Variants in DNAH14 observed in about 807,000 individuals in gnomAD.
DNAH14 encodes dynein axonemal heavy chain 14, also known as axonemal beta dynein heavy chain 14.
A neutral mutation model predicts 520.9 loss-of-function variants in DNAH14; 478 were observed. The ratio of observed to expected loss-of-function variants is 0.92; its 90% confidence interval spans 0.85 to 0.99. DNAH14 has a LOEUF of 0.99. Among genes scored for constraint, DNAH14 ranks in the 50% least tolerant of loss-of-function variants. The pLI is 0.00. For missense variants in DNAH14, 4,831 were observed against 5,234.5 expected (o/e 0.92, Z 2.38); for synonymous variants, 1,581 against 1,757.2 (o/e 0.90, Z 2.51).
At chr1:225,292,115 T>G (rs2093906221) in intron 55 of DNAH14, among the ~76,000 whole-genome samples, 1 of 152,154 alleles carries the variant, frequency 6.6e-6, no homozygotes, top group Non-Finnish European at 1.5e-5. Context: ...TATAATTCCA[T>G]TTGTTTATAT....
Position 224,929,705 on chromosome 1 carries a change from G to T in DNAH14, c.-164G>T, listed in dbSNP as rs1269673858. ...GCGGTTACGGCCAGGAGGCGTCGGA[G>T]CCTGGCGTGGTAGGGCTGTGCTGCG... On this transcript the variant is annotated 5_prime_UTR_variant, in exon 1 of 86. Transcript: ENST00000682510. The T allele has an allele frequency of 1.0e-5, 7 of 702,310 alleles. No individual in the cohort carries two copies. Among genetic ancestry groups the T allele is most frequent in the African/African-American group, 3.5e-5 (2 of 57,266 alleles). 43.5% of individuals were successfully genotyped at this position (702,310 alleles called of 1,614,324 possible).
chr1:225,004,907 C>G (rs1017213355), intron 9 of DNAH14, among the ~76,000 whole-genome samples: 1 of 152,154 alleles, frequency 6.6e-6, no homozygotes, highest in Non-Finnish European at 1.5e-5. Flanking sequence ...TACGTGTACT[C>G]TGCTGGGATG....
At position 225,322,727 on chromosome 1, in the gene DNAH14, A is replaced by G; in HGVS notation, c.9399A>G (p.Gln3133=). 6.4e-7 allele frequency: 1 copy of G among 1,551,612 alleles called. No homozygotes were observed. The highest frequency in any genetic ancestry group is 8.7e-7 in the Non-Finnish European group (1 of 1,146,920). The change falls in exon 62 of 86, where the codon CAA becomes CAG. Residue 3133 remains glutamine, a synonymous_variant. Coordinates refer to ENST00000682510, the MANE Select transcript of DNAH14 (RefSeq NM_001367479.1). The part of the protein sequence containing the change: ...TVMNAVCILL[Q]KKPNWATAKL... ...TGAATGCAGTGTGTATTCTTCTGCA[A>G]AAGAAACCTAACTGGGCAACGGCAA...
At chr1:225,024,411 C>A in intron 11 of DNAH14, 1 of 256,534 alleles carries the variant, frequency 3.9e-6, no homozygotes, top group Non-Finnish European at 6.1e-6. Flanking sequence ...TCTTATTTTC[C>A]ACAACTGGAT....
At chr1:225,100,058 A>G (rs1434576165) in intron 22 of DNAH14, among the ~76,000 whole-genome samples, 1 of 152,158 alleles carries the variant, frequency 6.6e-6, no homozygotes, top group Non-Finnish European at 1.5e-5. Context: ...CAACAACAAC[A>G]GAAACAAAAC....
chr1:224,981,043 C>CTATG (rs1402203661), intron 8 of DNAH14, among the ~76,000 whole-genome samples: 1 of 149,660 alleles, frequency 6.7e-6, no homozygotes, highest in Non-Finnish European at 1.5e-5. Context: ...TTTTCTGCAT[C>CTATG]TATTGAGATG....
chr1:225,117,433 T>C (rs74147112), intron 23 of DNAH14, among the ~76,000 whole-genome samples: 3,603 of 151,538 alleles, frequency 0.024, 110 homozygotes, highest in African/African-American at 0.073. Context: ...GGTATATGTG[T>C]GTCTAAGGGT....
rs1197927461 is a variant in DNAH14, at chr1:224,991,084, C to CTTTTTTTTTTTTTTTTT, written c.831-11687_831-11671dup. On this transcript the variant is annotated intron_variant, in intron 8 of 85. Transcript: ENST00000682510. ...TTCCCTAATGATTAGTGATGTTGAG[C>CTTTTTTTTTTTTTTTTT]TTTTTTTTTTTTTTTTTTTTTTTTT... Among the ~76,000 whole-genome samples, 44 of 77,898 alleles carry CTTTTTTTTTTTTTTTTT rather than the reference C, an allele frequency of 5.6e-4. 12 individuals are homozygous for CTTTTTTTTTTTTTTTTT. The highest frequency in any genetic ancestry group is 7.8e-4 in the Non-Finnish European group (28 of 36,034). 51.1% of individuals were successfully genotyped at this position (77,898 alleles called of 152,430 possible).
chr1:225,099,768 T>C (rs185242352), intron 22 of DNAH14, among the ~76,000 whole-genome samples: 1 of 152,284 alleles, frequency 6.6e-6, no homozygotes, highest in Admixed American at 6.5e-5. Context: ...TGGTGCAATA[T>C]AGAGGTTCCT....
chr1:225,060,239 C>G (rs2069837264), intron 17 of DNAH14, among the ~76,000 whole-genome samples: 1 of 151,954 alleles, frequency 6.6e-6, no homozygotes, highest in South Asian at 2.1e-4. Flanking sequence ...CTCTAAACTT[C>G]TCTTCTTACT....
intron 15 of DNAH14, among the ~76,000 whole-genome samples, chr1:225,049,681 A>G (rs949062095): frequency 3.9e-5 from 6 of 152,022 alleles, no homozygotes; most frequent in African/African-American, 1.2e-4. Context: ...TTTGTGTTTT[A>G]TATTTAGGTA....
At chr1:225,110,777 G>A (rs1214065059) in intron 23 of DNAH14, among the ~76,000 whole-genome samples, 1 of 151,784 alleles carries the variant, frequency 6.6e-6, no homozygotes, top group Non-Finnish European at 1.5e-5. Flanking sequence ...TTTTGACATA[G>A]ACACAGCTAT....
Position 225,141,075 on chromosome 1 carries a change from T to C in DNAH14, c.4508+54T>C, listed in dbSNP as rs553655047. ...CAATAACTTCTCCCAAATATATCTT[T>C]AGGTAAATTGATTCTCTACCTCACA... On this transcript the variant is annotated intron_variant, in intron 28 of 85. Coordinates refer to ENST00000682510, the MANE Select transcript of DNAH14 (RefSeq NM_001367479.1). 6.3e-6 allele frequency: 9 copies of C among 1,430,440 alleles called. 1 individual carries two copies. In the South Asian group the frequency reaches 1.4e-4, roughly 22 times the overall value. 88.6% of individuals were successfully genotyped at this position (1,430,440 alleles called of 1,614,324 possible).
Position 225,160,681 on chromosome 1 carries a change from C to A in DNAH14, c.5445+1196C>A, listed in dbSNP as rs142046885. Among the ~76,000 whole-genome samples, 137 of 152,200 alleles carry A rather than the reference C, an allele frequency of 9.0e-4. 1 individual carries two copies. Among genetic ancestry groups the A allele is most frequent in the African/African-American group, 3.1e-3 (130 of 41,546 alleles). Reference sequence around the variant, plus strand: ...GTTTTAAAATATAGAGTTCAACAAACCACTATCTTAAGATTCTTTCAGTTT... The same window carrying A: ...GTTTTAAAATATAGAGTTCAACAAAACACTATCTTAAGATTCTTTCAGTTT... On this transcript the variant is annotated intron_variant, in intron 35 of 85. Coordinates refer to ENST00000682510, the MANE Select transcript of DNAH14 (RefSeq NM_001367479.1).
intron 17 of DNAH14, among the ~76,000 whole-genome samples, chr1:225,053,226 G>A (rs1473834096): frequency 6.6e-6 from 1 of 151,860 alleles, no homozygotes; most frequent in East Asian, 1.9e-4. Context: ...TGAAGTTTGG[G>A]GTAGGCATCA....
At chr1:225,205,132 C>G (rs1405395528) in intron 39 of DNAH14, among the ~76,000 whole-genome samples, 1 of 152,118 alleles carries the variant, frequency 6.6e-6, no homozygotes, top group Non-Finnish European at 1.5e-5. Flanking sequence ...AATTGTGGAG[C>G]ACAGTGGTGG....
At chr1:225,394,332 T>G (rs966220639) in intron 84 of DNAH14, among the ~76,000 whole-genome samples, 1 of 152,198 alleles carries the variant, frequency 6.6e-6, no homozygotes, top group Non-Finnish European at 1.5e-5. Context: ...CTTCTCCCAG[T>G]GTGTGACTTT....
intron 37 of DNAH14, 128 bp downstream of exon 37, chr1:225,185,553 T>G: frequency 1.0e-6 from 1 of 976,218 alleles, no homozygotes; most frequent in East Asian, 3.2e-5. Flanking sequence ...ATTTTGTAGT[T>G]AAGAATCATA....
At chr1:225,386,310 A>C (rs1360234111) in intron 81 of DNAH14, among the ~76,000 whole-genome samples, 1 of 152,252 alleles carries the variant, frequency 6.6e-6, no homozygotes, top group Non-Finnish European at 1.5e-5. Flanking sequence ...TATTCAGGAC[A>C]TAGGCATGGG....
Sources: gnomAD v4.1 joint callset for allele counts (sites outside exome capture counted in the v4.1 genomes callset) on GRCh38, gnomAD v4.1.1 for gene constraint, MANE v1.5 for transcripts, NCBI Gene and HGNC (gene_info 2026-07-23, HGNC 2026-07-21) for gene names.